The following RAD51B variants were observed in gnomAD, a reference collection of about 807,000 sequenced individuals.
RAD51B encodes the protein DNA repair protein RAD51 homolog 2.
Under a neutral mutation model 42.2 loss-of-function variants are expected in RAD51B, and 38 were observed. That is an observed-to-expected ratio of 0.90 (90% CI 0.70 to 1.18). The LOEUF (loss-of-function observed/expected upper bound fraction) is 1.18. RAD51B is among the 50% of genes most tolerant of loss of function. The probability of loss-of-function intolerance (pLI) is 0.00; values close to 1 mark genes in which losing one functional copy is unlikely to be tolerated. For missense variants in RAD51B, 373 were observed against 400.7 expected (o/e 0.93, Z 0.59); for synonymous variants, 154 against 145.2 (o/e 1.06, Z -0.43).
intron 7 of RAD51B, among the ~76,000 whole-genome samples, chr14:68,183,442 C>T (rs1381485239): frequency 6.6e-6 from 1 of 152,182 alleles, no homozygotes; most frequent in Non-Finnish European, 1.5e-5. Flanking sequence ...ATGGTGCCCA[C>T]CAAGATTGAG....
chr14:68,475,179 A>G (rs1460887480), intron 10 of RAD51B, among the ~76,000 whole-genome samples: 2 of 152,184 alleles, frequency 1.3e-5, no homozygotes, highest in African/African-American at 4.8e-5. Context: ...GTCTGTAAAT[A>G]TATGATCAGA....
chr14:68,577,646 C>T (rs1043741171), intron 10 of RAD51B, among the ~76,000 whole-genome samples: 5 of 152,116 alleles, frequency 3.3e-5, no homozygotes, highest in Admixed American at 6.6e-5. Flanking sequence ...CCTCATGATC[C>T]GCCTACCACG....
intron 7 of RAD51B, among the ~76,000 whole-genome samples, chr14:68,264,165 G>A (rs2080940127): frequency 1.3e-5 from 2 of 152,212 alleles, no homozygotes; most frequent in South Asian, 4.1e-4. Flanking sequence ...ACAGGGGTGA[G>A]GATCGTGTTT....
At chr14:67,911,881 T>C (rs1014010700) in intron 7 of RAD51B, among the ~76,000 whole-genome samples, 5 of 152,192 alleles carry the variant, frequency 3.3e-5, no homozygotes, top group African/African-American at 1.2e-4. Flanking sequence ...GAACCATTAC[T>C]GTCTGGGGAG....
At chr14:67,936,468 A>G (rs1400143698) in intron 7 of RAD51B, among the ~76,000 whole-genome samples, 2 of 152,252 alleles carry the variant, frequency 1.3e-5, no homozygotes, top group African/African-American at 2.4e-5. Context: ...TTGTATAGAT[A>G]GAACTCATTT....
At chr14:67,829,047 A>G (rs765704725) in intron 3 of RAD51B, among the ~76,000 whole-genome samples, 5 of 152,164 alleles carry the variant, frequency 3.3e-5, no homozygotes, top group Non-Finnish European at 7.3e-5. Flanking sequence ...TAATGGGAAT[A>G]GCATTGAATC....
chr14:68,545,276 A>G (rs980713391), intron 10 of RAD51B, among the ~76,000 whole-genome samples: 2 of 152,254 alleles, frequency 1.3e-5, no homozygotes, highest in African/African-American at 4.8e-5. Flanking sequence ...CCTTGAGCAA[A>G]GAGGTGTATG....
At chr14:67,870,105 T>G (rs1595036247) in intron 5 of RAD51B, among the ~76,000 whole-genome samples, 1 of 149,396 alleles carries the variant, frequency 6.7e-6, no homozygotes, top group African/African-American at 2.5e-5. Context: ...TAAATGTAAA[T>G]GGACTAAATG....
intron 10 of RAD51B, among the ~76,000 whole-genome samples, chr14:68,529,239 C>T (rs1398388133): frequency 1.3e-5 from 2 of 152,224 alleles, no homozygotes; most frequent in Non-Finnish European, 2.9e-5. Flanking sequence ...CTCTGTCACC[C>T]AGGCTGGAGT....
intron 7 of RAD51B, among the ~76,000 whole-genome samples, chr14:67,935,327 G>A (rs769012704): frequency 2.0e-5 from 3 of 152,182 alleles, no homozygotes; most frequent in Non-Finnish European, 2.9e-5. Flanking sequence ...TTGTATGCTA[G>A]AGATGGATTT....
At chr14:68,339,154 CT>C in intron 8 of RAD51B, 1 of 739,308 alleles carries the variant, frequency 1.4e-6, no homozygotes, top group Non-Finnish European at 2.4e-6. Flanking sequence ...GGGATGTCCC[CT>C]TTGCTGGTAG....
chr14:67,957,221 C>T (rs1009920438), intron 7 of RAD51B, among the ~76,000 whole-genome samples: 5 of 152,112 alleles, frequency 3.3e-5, no homozygotes, highest in African/African-American at 1.2e-4. Flanking sequence ...TAGGTGTTGG[C>T]ATGGTTAAGT....
intron 8 of RAD51B, among the ~76,000 whole-genome samples, chr14:68,403,615 T>A (rs553763714): frequency 6.6e-6 from 1 of 152,342 alleles, no homozygotes; most frequent in African/African-American, 2.4e-5. Flanking sequence ...ACCCCATGTA[T>A]ACAGAGCAGA....
At chr14:67,992,006 C>A (rs2075303787) in intron 7 of RAD51B, among the ~76,000 whole-genome samples, 1 of 152,100 alleles carries the variant, frequency 6.6e-6, no homozygotes. Context: ...TTAATATGGG[C>A]AACTTTGTCA....
intron 10 of RAD51B, among the ~76,000 whole-genome samples, chr14:68,582,943 A>G (rs1319867360): frequency 6.6e-6 from 1 of 152,152 alleles, no homozygotes; most frequent in Non-Finnish European, 1.5e-5. Flanking sequence ...CATAAGCGGG[A>G]GTTGAACAAT....
chr14:67,984,846 C>T (rs905225652), intron 7 of RAD51B, among the ~76,000 whole-genome samples: 3 of 152,180 alleles, frequency 2.0e-5, no homozygotes, highest in Non-Finnish European at 2.9e-5. Context: ...ATCCTATATA[C>T]ATTTTACTTT....
intron 7 of RAD51B, among the ~76,000 whole-genome samples, chr14:68,160,808 A>T (rs2078622353): frequency 6.6e-6 from 1 of 152,226 alleles, no homozygotes; most frequent in South Asian, 2.1e-4. Context: ...GCAAACCCAT[A>T]CTATTGGCCA....
chr14:68,526,312 C>T (rs563054930), intron 10 of RAD51B, among the ~76,000 whole-genome samples: 326 of 152,318 alleles, frequency 2.1e-3, no homozygotes, highest in African/African-American at 7.5e-3. Flanking sequence ...TGACCACATA[C>T]AGGACTATAT....
chr14:68,100,753 C>G lies in RAD51B; in HGVS notation c.757-191131C>G, dbSNP rs143455479. Among the ~76,000 whole-genome samples, 11 of 152,190 alleles carry G rather than the reference C, an allele frequency of 7.2e-5. No homozygotes were observed. In the East Asian group the frequency reaches 1.9e-3, roughly 27 times the overall value. On this transcript the variant is annotated intron_variant, in intron 7 of 10. Transcript: ENST00000471583. ...ATATGGAGCCTTAGAGATCATTGCCCTCTTCCCCATTTTGCAAAGAGTAAA... is the reference window on the plus strand; with the variant it reads ...ATATGGAGCCTTAGAGATCATTGCCGTCTTCCCCATTTTGCAAAGAGTAAA...
Sources: gnomAD v4.1 joint callset for allele counts (sites outside exome capture counted in the v4.1 genomes callset) on GRCh38, gnomAD v4.1.1 for gene constraint, MANE v1.5 for transcripts, NCBI Gene and HGNC (gene_info 2026-07-23, HGNC 2026-07-21) for gene names.